Variants in BNC2 observed in about 807,000 individuals in gnomAD.
BNC2 encodes basonuclin zinc finger protein 2.
BNC2 carries 20 observed loss-of-function variants against 76.3 expected under a neutral mutation model. The ratio of observed to expected loss-of-function variants is 0.26; its 90% CI spans 0.18 to 0.38. BNC2 has a LOEUF of 0.38. Ranked by LOEUF, BNC2 falls within the 10% of genes least tolerant of loss-of-function variation. The probability of loss-of-function intolerance (pLI) is 1.00; values close to 1 mark genes in which losing one functional copy is unlikely to be tolerated. For synonymous variants in BNC2, 582 were observed against 514.8 expected, an observed-to-expected ratio of 1.13 and a Z score of -1.77; for missense variants, 1,382 against 1,399.8, an observed-to-expected ratio of 0.99 and a Z score of 0.20.
chr9:16,465,465 G>A (rs1403694508), intron 5 of BNC2, among the ~76,000 whole-genome samples: 1 of 137,142 alleles, frequency 7.3e-6, no homozygotes, highest in Non-Finnish European at 1.6e-5. Flanking sequence ...GTTAATAACC[G>A]GTAGGGCCAG....
intron 3 of BNC2, among the ~76,000 whole-genome samples, chr9:16,713,881 C>A (rs943822976): frequency 1.3e-5 from 2 of 152,122 alleles, no homozygotes; most frequent in African/African-American, 4.8e-5. Context: ...TCAAGCCCAG[C>A]CTGGGCAATA....
intron 3 of BNC2, among the ~76,000 whole-genome samples, chr9:16,608,569 G>A (rs79068377): frequency 6.6e-6 from 1 of 152,136 alleles, no homozygotes; most frequent in Non-Finnish European, 1.5e-5. Flanking sequence ...TCAGTGGCAA[G>A]ATCATAGCTC....
At chr9:16,861,545 C>A (rs924558336) in intron 1 of BNC2, among the ~76,000 whole-genome samples, 8 of 152,188 alleles carry the variant, frequency 5.3e-5, no homozygotes, top group Non-Finnish European at 1.2e-4. Flanking sequence ...AAAAGATACA[C>A]AAATGGCCAA....
At chr9:16,477,245 C>G (rs1261357630) in intron 5 of BNC2, among the ~76,000 whole-genome samples, 1 of 152,096 alleles carries the variant, frequency 6.6e-6, no homozygotes, top group African/African-American at 2.4e-5. Context: ...GGTGACAGAG[C>G]AACACACTGC....
intron 1 of BNC2, among the ~76,000 whole-genome samples, chr9:16,814,767 A>T (rs1479913001): frequency 1.3e-5 from 2 of 152,182 alleles, no homozygotes; most frequent in African/African-American, 2.4e-5. Flanking sequence ...CACCCACCAA[A>T]TATCTAGGGG....
At chr9:16,458,541 C>T (rs1450950604) in intron 5 of BNC2, among the ~76,000 whole-genome samples, 1 of 152,120 alleles carries the variant, frequency 6.6e-6, no homozygotes, top group East Asian at 1.9e-4. Flanking sequence ...TAGCAATCTG[C>T]TAGAGTCATG....
chr9:16,410,639 G>C lies in BNC2; in HGVS notation c.*8350C>G, dbSNP rs1033902165. 1.3e-5 allele frequency: 2 copies of C among 152,586 alleles called. No individual in the cohort carries two copies. Among genetic ancestry groups the C allele is most frequent in the African/African-American group, 4.8e-5 (2 of 41,442 alleles). 9.5% of individuals were successfully genotyped at this position (152,586 alleles called of 1,614,324 possible). On this transcript the variant is annotated 3_prime_UTR_variant, in exon 7 of 7. Transcript: ENST00000380672. ...CGTTATGCAAACCCTGGACAGGGTA[G>C]AACACGTTTCCAAAGCAATTAAAAC...
At chr9:16,746,024 C>CA (rs930086282) in intron 1 of BNC2, among the ~76,000 whole-genome samples, 3 of 152,108 alleles carry the variant, frequency 2.0e-5, no homozygotes, top group African/African-American at 4.8e-5. Context: ...AAGGTCATAC[C>CA]AAAAAATCTT....
chr9:16,764,717 A>G (rs1825642897), intron 1 of BNC2, among the ~76,000 whole-genome samples: 2 of 135,502 alleles, frequency 1.5e-5, no homozygotes, highest in Admixed American at 8.1e-5. Context: ...ATACAAATTG[A>G]CATAACTTTA....
chr9:16,624,409 AAC>A (rs1820938394), intron 3 of BNC2, among the ~76,000 whole-genome samples: 3 of 152,188 alleles, frequency 2.0e-5, no homozygotes, highest in Non-Finnish European at 4.4e-5. Context: ...TAAAGGGGGA[AAC>A]AAGAAAAACT....
At chr9:16,750,511 A>G (rs1825157964) in intron 1 of BNC2, among the ~76,000 whole-genome samples, 1 of 152,218 alleles carries the variant, frequency 6.6e-6, no homozygotes, top group Non-Finnish European at 1.5e-5. Context: ...TGACCAGTAG[A>G]TCATCTATCC....
intron 3 of BNC2, among the ~76,000 whole-genome samples, chr9:16,630,516 C>A (rs190076008): frequency 3.0e-4 from 46 of 152,258 alleles, no homozygotes; most frequent in African/African-American, 1.1e-3. Flanking sequence ...AAATGATTAA[C>A]ACCTGTGTGG....
intron 1 of BNC2, among the ~76,000 whole-genome samples, chr9:16,862,246 G>A (rs1204561171): frequency 1.3e-5 from 2 of 152,168 alleles, no homozygotes; most frequent in Non-Finnish European, 2.9e-5. Context: ...CTCAAAAAGT[G>A]TAAACAACCC....
At chr9:16,422,650 GA>G (rs1820733148) in intron 6 of BNC2, among the ~76,000 whole-genome samples, 1 of 152,178 alleles carries the variant, frequency 6.6e-6, no homozygotes, top group African/African-American at 2.4e-5. Flanking sequence ...TCACTCTCAT[GA>G]TAGTGGGCTT....
At chr9:16,672,526 T>C (rs1391351454) in intron 3 of BNC2, among the ~76,000 whole-genome samples, 2 of 152,118 alleles carry the variant, frequency 1.3e-5, no homozygotes, top group African/African-American at 2.4e-5. Context: ...ACATCAACTA[T>C]AGACCAATCC....
At chr9:16,496,152 G>A (rs959605920) in intron 5 of BNC2, among the ~76,000 whole-genome samples, 5 of 151,572 alleles carry the variant, frequency 3.3e-5, no homozygotes, top group Non-Finnish European at 5.9e-5. Flanking sequence ...CAGGTGATCC[G>A]CCCGCCTCAG....
chr9:16,685,922 G>C (rs1021122739), intron 3 of BNC2, among the ~76,000 whole-genome samples: 4 of 152,162 alleles, frequency 2.6e-5, no homozygotes, highest in Non-Finnish European at 5.9e-5. Flanking sequence ...GCCACGGACA[G>C]GAGGAGGGAG....
intron 1 of BNC2, among the ~76,000 whole-genome samples, chr9:16,827,508 A>T (rs1239860917): frequency 6.6e-6 from 1 of 152,176 alleles, no homozygotes; most frequent in Non-Finnish European, 1.5e-5. Flanking sequence ...CTTGTCACTC[A>T]TTGTCATATT....
intron 5 of BNC2, among the ~76,000 whole-genome samples, chr9:16,448,467 G>A (rs1478657241): frequency 6.6e-6 from 1 of 151,990 alleles, no homozygotes; most frequent in East Asian, 1.9e-4. Flanking sequence ...TACTGATATT[G>A]GTATAGAACT....
Sources: gnomAD v4.1 joint callset for allele counts (sites outside exome capture counted in the v4.1 genomes callset) on GRCh38, gnomAD v4.1.1 for gene constraint, MANE v1.5 for transcripts, NCBI Gene and HGNC (gene_info 2026-07-23, HGNC 2026-07-21) for gene names.